PCF11: variants seen among roughly 807,000 people sequenced by gnomAD.
The protein encoded by PCF11 is PCF11 cleavage and polyadenylation factor subunit.
A neutral mutation model predicts 166.1 loss-of-function variants in PCF11; 19 were observed. The ratio of observed to expected loss-of-function variants is 0.11; its 90% CI spans 0.08 to 0.17. The LOEUF (loss-of-function observed/expected upper bound fraction) is 0.17. Ranked by LOEUF, PCF11 falls within the 10% of genes least tolerant of loss-of-function variation. The pLI, the probability that PCF11 is intolerant of heterozygous loss-of-function variation, is 1.00. For missense variants in PCF11, 1,565 were observed against 1,855.5 expected (o/e 0.84, Z 2.88); for synonymous variants, 663 against 644.1 (o/e 1.03, Z -0.44).
chr11:83,160,828 T>C lies in PCF11; in HGVS notation c.193-499T>C, dbSNP rs1456209741. 2.6e-5 allele frequency among the ~76,000 whole-genome samples: 4 copies of C among 152,294 alleles called. No individual in the cohort carries two copies. In the East Asian group the frequency reaches 5.8e-4, roughly 22 times the overall value. On this transcript the variant is annotated intron_variant, in intron 1 of 15. Transcript: ENST00000298281. Reference sequence around the variant, plus strand: ...TGTTTTTAATTTTTGTTCATTTGGATTATAGAGAAGTAATCCTAATGATTT... The same window carrying C: ...TGTTTTTAATTTTTGTTCATTTGGACTATAGAGAAGTAATCCTAATGATTT...
At chr11:83,168,246 A>AT (rs1242754428) in intron 7 of PCF11, among the ~76,000 whole-genome samples, 182 bp from the exon 8 acceptor site, 1 of 152,064 alleles carries the variant, frequency 6.6e-6, no homozygotes, top group East Asian at 1.9e-4. Flanking sequence ...TAGGATGGTA[A>AT]TTTTTTTGTT....
chr11:83,176,042 G>A (rs1169886800), intron 9 of PCF11, among the ~76,000 whole-genome samples: 2 of 152,120 alleles, frequency 1.3e-5, no homozygotes, highest in Admixed American at 1.3e-4. Flanking sequence ...GTTACGTCAG[G>A]GAGCATTGAG....
exon 16 of PCF11, chr11:83,184,775 C>T (rs1861217138): frequency 6.2e-7 from 1 of 1,611,850 alleles, no homozygotes; most frequent in Non-Finnish European, 8.5e-7. Flanking sequence ...ATTGCAGGAA[C>T]CCTGTGACAG....
At chr11:83,169,962 A>G in exon 8 of PCF11, 1 of 1,601,234 alleles carries the variant, frequency 6.2e-7, no homozygotes, top group Non-Finnish European at 8.5e-7. Flanking sequence ...TACCTGCTCC[A>G]ATGACAGTAG....
chr11:83,169,021 G>T (rs1487271386), exon 8 of PCF11: 1 of 1,613,848 alleles, frequency 6.2e-7, no homozygotes, highest in South Asian at 1.1e-5. Context: ...GGGACCTCAT[G>T]GTCAGCCTGT....
exon 4 of PCF11, chr11:83,164,217 C>A: frequency 1.2e-6 from 2 of 1,609,098 alleles, no homozygotes; most frequent in East Asian, 4.5e-5. Context: ...CCCGAGGAGC[C>A]TTCAACACCT....
intron 7 of PCF11, among the ~76,000 whole-genome samples, chr11:83,168,150 A>G (rs1860539089): frequency 6.6e-6 from 1 of 152,208 alleles, no homozygotes; most frequent in Non-Finnish European, 1.5e-5. Context: ...CAATACAATG[A>G]AGTGTATATT....
At position 83,165,516 on chromosome 11, in the gene PCF11, G is replaced by A. The variant is rs1590924265; in HGVS notation, c.703-84G>A. The stretch of plus-strand genomic sequence containing the variant: ...TGAGTAAATATATTTATTGAATAAA[G>A]CATTATCTTCTTCAGTTGTTTGCAA... On this transcript the variant is annotated intron_variant, in intron 4 of 15. Coordinates refer to ENST00000298281, the Ensembl canonical transcript of PCF11. 13 of 931,524 alleles carry A rather than the reference G, an allele frequency of 1.4e-5. No homozygotes were observed. The East Asian group carries it at 3.2e-4, about 23-fold the overall frequency. 57.7% of individuals were successfully genotyped at this position (931,524 alleles called of 1,614,324 possible). A position where few individuals can be genotyped will look rare whatever the true frequency, so the allele number is the denominator to read the frequency against.
exon 1 of PCF11, chr11:83,157,446 G>C: frequency 6.2e-7 from 1 of 1,609,432 alleles, no homozygotes; most frequent in Non-Finnish European, 8.5e-7. Flanking sequence ...CGCAATGTCA[G>C]AGCAGACGCC....
chr11:83,173,143 G>A, intron 9 of PCF11, among the ~76,000 whole-genome samples: 1 of 152,172 alleles, frequency 6.6e-6, no homozygotes, highest in East Asian at 1.9e-4. Flanking sequence ...CTCCCCTGAG[G>A]TTCAGTTTTT....
intron 1 of PCF11, 147 bp from the exon 2 acceptor site, chr11:83,161,180 T>G: frequency 1.6e-6 from 1 of 606,244 alleles, no homozygotes. Context: ...AGAGCTTGAT[T>G]GAACACTTAA....
At chr11:83,157,541 G>A (rs1282102177) in exon 1 of PCF11, 3 of 1,613,970 alleles carry the variant, frequency 1.9e-6, no homozygotes, top group Non-Finnish European at 2.5e-6. Context: ...TCAATAGCAA[G>A]CCGCACATCA....
chr11:83,166,193 T>A, exon 5 of PCF11: 1 of 1,610,232 alleles, frequency 6.2e-7, no homozygotes, highest in Non-Finnish European at 8.5e-7. Context: ...AGGATAAAGA[T>A]GAGCACATGA....
At chr11:83,173,279 A>T (rs546500708) in intron 9 of PCF11, among the ~76,000 whole-genome samples, 132 of 152,218 alleles carry the variant, frequency 8.7e-4, no homozygotes, top group South Asian at 7.7e-3. Flanking sequence ...ACATGGTGAA[A>T]CCTCGTCTCT....
At chr11:83,186,651 CTTT>C (rs965721526) in exon 16 of PCF11, 1 of 149,910 alleles carries the variant, frequency 6.7e-6, no homozygotes, top group Non-Finnish European at 1.5e-5. Flanking sequence ...TGCATTTAAG[CTTT>C]TTTATTTTTT....
exon 16 of PCF11, chr11:83,186,924 A>G (rs768759443): frequency 6.6e-6 from 1 of 152,260 alleles, no homozygotes; most frequent in African/African-American, 2.4e-5. Context: ...ATTCAAACCT[A>G]AAAGTGTATC....
In PCF11 at chr11:83,167,603, T is replaced by A; in HGVS notation, c.2092+98T>A. On this transcript the variant is annotated intron_variant, in intron 7 of 15. Coordinates refer to ENST00000298281, the Ensembl canonical transcript of PCF11. This position sits in a 1 kb window ranked among gnomAD's most constrained non-coding sequence, Gnocchi z 4.2. ...TATCTGATGCTGAATTAACCTACTA[T>A]GAACATAAAGCAAAACTGAAAAGGA... The A allele has an allele frequency of 6.5e-7, 1 of 1,543,306 alleles. No homozygotes were observed. Among genetic ancestry groups the A allele is most frequent in the Non-Finnish European group, 8.7e-7 (1 of 1,145,672 alleles).
chr11:83,179,762 C>T (rs570162815), intron 11 of PCF11, among the ~76,000 whole-genome samples: 21 of 151,878 alleles, frequency 1.4e-4, no homozygotes, highest in African/African-American at 4.8e-4. Flanking sequence ...ACTAGAAATA[C>T]TAAAATTAGC....
chr11:83,183,025 CT>C lies in PCF11; in HGVS notation c.4417-8del. 2 of 1,388,638 alleles carry C rather than the reference CT, an allele frequency of 1.4e-6. No individual in the cohort carries two copies. The highest frequency in any genetic ancestry group is 2.0e-6 in the Non-Finnish European group (2 of 998,736). 86.0% of individuals were successfully genotyped at this position (1,388,638 alleles called of 1,614,324 possible). On this transcript the variant is annotated splice_polypyrimidine_tract_variant and intron_variant, in intron 14 of 15. Transcript: ENST00000298281. ...GAATACGCACATATTTACTTTTTTTCTTTTTGCTTCAGATTTATCATCCATC... is the reference window on the plus strand; with the variant it reads ...GAATACGCACATATTTACTTTTTTTCTTTTGCTTCAGATTTATCATCCATC...
Sources: gnomAD v4.1 joint callset for allele counts (sites outside exome capture counted in the v4.1 genomes callset) on GRCh38, gnomAD v4.1.1 for gene constraint, Gnocchi (gnomAD v3.1) non-coding constraint, MANE v1.5 for transcripts, NCBI Gene and HGNC (gene_info 2026-07-23, HGNC 2026-07-21) for gene names.